The following SLC10A7 variants were observed in gnomAD, a reference collection of about 807,000 sequenced individuals.
SLC10A7 encodes the protein sodium/bile acid cotransporter 7.
A neutral mutation model predicts 43.2 loss-of-function variants in SLC10A7; 29 were observed. The observed-to-expected ratio is 0.67, with a 90% CI of 0.50 to 0.92. The LOEUF (loss-of-function observed/expected upper bound fraction) is 0.92, where lower values mean the gene tolerates loss of function less well. Among genes scored for constraint, SLC10A7 ranks in the 40% least tolerant of loss-of-function variants. SLC10A7 has a pLI of 0.00. For synonymous variants in SLC10A7, 152 were observed against 144.8 expected (o/e 1.05, Z -0.35); for missense variants, 295 against 403.2 (o/e 0.73, Z 2.30).
chr4:146,318,804 T>G (rs1304054322), intron 6 of SLC10A7, among the ~76,000 whole-genome samples: 4 of 74,944 alleles, frequency 5.3e-5, no homozygotes, highest in African/African-American at 2.8e-4. Flanking sequence ...TCTTAGTAAA[T>G]GGCAACTCTA....
intron 7 of SLC10A7, among the ~76,000 whole-genome samples, chr4:146,300,336 T>C (rs550812690): frequency 1.3e-5 from 2 of 152,332 alleles, no homozygotes; most frequent in African/African-American, 2.4e-5. Context: ...TTCTTTAATA[T>C]ACTTTGTTTC....
At chr4:146,460,525 G>T (rs1285591207) in intron 4 of SLC10A7, among the ~76,000 whole-genome samples, 2 of 151,910 alleles carry the variant, frequency 1.3e-5, no homozygotes, top group East Asian at 3.9e-4. Context: ...TGGATAAATG[G>T]AACAACATGG....
intron 10 of SLC10A7, among the ~76,000 whole-genome samples, chr4:146,280,685 T>C (rs1729494418): frequency 6.6e-6 from 1 of 152,150 alleles, no homozygotes; most frequent in Non-Finnish European, 1.5e-5. Context: ...TTTATAGTGC[T>C]TAACAAGAAC....
intron 5 of SLC10A7, among the ~76,000 whole-genome samples, chr4:146,392,443 A>G (rs1579070754): frequency 6.6e-6 from 1 of 152,218 alleles, no homozygotes; most frequent in East Asian, 1.9e-4. Flanking sequence ...GTATGTGTAT[A>G]TATGTGTGGG....
chr4:146,514,336 C>T (rs1340415856), intron 2 of SLC10A7: 1 of 152,230 alleles, frequency 6.6e-6, no homozygotes, highest in East Asian at 1.9e-4. Context: ...GCCATAAGCA[C>T]TTAATTGATA....
At chr4:146,398,657 A>G (rs1018157462) in intron 5 of SLC10A7, among the ~76,000 whole-genome samples, 3 of 152,242 alleles carry the variant, frequency 2.0e-5, no homozygotes, top group Admixed American at 1.3e-4. Context: ...GTCAAAAGAC[A>G]AGAATAAAAT....
At chr4:146,517,431 C>G (rs192816876) in intron 1 of SLC10A7, among the ~76,000 whole-genome samples, 4 of 152,018 alleles carry the variant, frequency 2.6e-5, no homozygotes, top group Non-Finnish European at 5.9e-5. Flanking sequence ...CCATTGCACT[C>G]CAGCCTGGGC....
At chr4:146,346,672 G>GTAT (rs1734644064) in intron 5 of SLC10A7, among the ~76,000 whole-genome samples, 2 of 151,962 alleles carry the variant, frequency 1.3e-5, no homozygotes, top group Non-Finnish European at 2.9e-5. Context: ...AGTTTCATGA[G>GTAT]TATTTAAATG....
rs576789591 is a variant in SLC10A7, at chr4:146,445,692, T to C, written c.397-2871A>G. 4.0e-5 allele frequency among the ~76,000 whole-genome samples: 6 copies of C among 151,682 alleles called. No homozygotes were observed. The East Asian group carries it at 1.2e-3, about 29-fold the overall frequency. On this transcript the variant is annotated intron_variant, in intron 4 of 11. Coordinates refer to ENST00000335472, the MANE Select transcript of SLC10A7 (RefSeq NM_001029998.6). ...CAGGTCACACAAACAAATCAAAGGG[T>C]AGTTAATGTGGAGGACTTTGTTGAG...
At chr4:146,489,912 C>T (rs2150002696) in intron 4 of SLC10A7, among the ~76,000 whole-genome samples, 1 of 152,058 alleles carries the variant, frequency 6.6e-6, no homozygotes, top group Middle Eastern at 3.4e-3. Context: ...CACAGGCAAA[C>T]TGTTTCTTAA....
intron 4 of SLC10A7, among the ~76,000 whole-genome samples, chr4:146,464,634 C>T (rs973319657): frequency 6.6e-6 from 1 of 151,048 alleles, no homozygotes; most frequent in African/African-American, 2.4e-5. Context: ...ATAATGTGAG[C>T]CTAATCCAAA....
chr4:146,505,474 A>T (rs1176911428), intron 3 of SLC10A7, among the ~76,000 whole-genome samples: 4 of 152,188 alleles, frequency 2.6e-5, no homozygotes, highest in Admixed American at 2.6e-4. Flanking sequence ...GTCAAAAGTT[A>T]TATGTGGATT....
intron 5 of SLC10A7, among the ~76,000 whole-genome samples, chr4:146,339,058 A>C (rs1200250345): frequency 6.6e-6 from 1 of 151,880 alleles, no homozygotes; most frequent in African/African-American, 2.4e-5. Flanking sequence ...AAGTGACTTG[A>C]GGGAGATTTG....
chr4:146,366,677 T>C (rs1736412717), intron 5 of SLC10A7, among the ~76,000 whole-genome samples: 1 of 152,218 alleles, frequency 6.6e-6, no homozygotes. Flanking sequence ...GATGAAATTC[T>C]AAGTAAATTT....
intron 9 of SLC10A7, among the ~76,000 whole-genome samples, chr4:146,287,127 C>T (rs913343847): frequency 9.5e-5 from 11 of 116,388 alleles, no homozygotes; most frequent in African/African-American, 2.4e-4. Context: ...TGAGAAGGAC[C>T]GTGTCTGGAG....
At position 146,437,851 on chromosome 4, in the gene SLC10A7, A is replaced by T. The variant is rs115544221; in HGVS notation, c.435+4932T>A. ...TGGTGTTTCCTCTTTAACCATTCTA[A>T]ATATTTCAGAAATTCTTACATTTAT... On this transcript the variant is annotated intron_variant, in intron 5 of 11. Coordinates refer to ENST00000335472, the MANE Select transcript of SLC10A7 (RefSeq NM_001029998.6). Among the ~76,000 whole-genome samples, 385 of 152,154 alleles carry T rather than the reference A, an allele frequency of 2.5e-3. 3 individuals are homozygous for T. Among genetic ancestry groups the T allele is most frequent in the African/African-American group, 9.0e-3 (376 of 41,566 alleles).
chr4:146,485,446 T>A (rs190832045), intron 4 of SLC10A7, among the ~76,000 whole-genome samples: 2 of 152,240 alleles, frequency 1.3e-5, no homozygotes, highest in South Asian at 2.1e-4. Flanking sequence ...GTCACATAGT[T>A]TGGAAGAAGC....
intron 9 of SLC10A7, among the ~76,000 whole-genome samples, chr4:146,283,489 G>T (rs1263467385): frequency 7.2e-5 from 11 of 152,074 alleles, no homozygotes; most frequent in Non-Finnish European, 1.5e-4. Flanking sequence ...AATGTGTGGT[G>T]GAGGTCGCCT....
chr4:146,300,730 T>G (rs1244812799), intron 7 of SLC10A7, among the ~76,000 whole-genome samples: 2 of 152,242 alleles, frequency 1.3e-5, no homozygotes, highest in Non-Finnish European at 2.9e-5. Flanking sequence ...TAACATAAAA[T>G]TTTGAAATAT....
Sources: allele counts gnomAD v4.1 joint callset (sites outside exome capture counted in the v4.1 genomes callset), GRCh38; gene constraint gnomAD v4.1.1; transcripts MANE v1.5; gene names NCBI Gene and HGNC (gene_info 2026-07-23, HGNC 2026-07-21).